CRLS1: variants seen among roughly 807,000 people sequenced by gnomAD.
CRLS1 encodes the protein cardiolipin synthase (CMP-forming).
Under a neutral mutation model 37.0 loss-of-function variants are expected in CRLS1, and 24 were observed. That is an observed-to-expected ratio of 0.65 (90% CI 0.47 to 0.91). CRLS1 has a LOEUF of 0.91. Ranked by LOEUF, CRLS1 falls within the 40% of genes least tolerant of loss-of-function variation. CRLS1 has a pLI of 0.00. For missense variants in CRLS1, 373 were observed against 395.8 expected, an observed-to-expected ratio of 0.94 and a Z score of 0.49; for synonymous variants, 135 against 159.7, an observed-to-expected ratio of 0.85 and a Z score of 1.17.
At position 6,034,521 on chromosome 20, in the gene CRLS1, A is replaced by G; in HGVS notation, c.787A>G (p.Asn263Asp). ...VAASLAAPVF[N>D]YADSIYLQIL... Reference sequence around the variant, plus strand: ...AGCTTCTTTGGCAGCTCCAGTTTTCAACTATGCTGACAGCATTTATCTTCA... The same window carrying G: ...AGCTTCTTTGGCAGCTCCAGTTTTCGACTATGCTGACAGCATTTATCTTCA... The change falls in exon 6 of 7, where the codon AAC (asparagine) becomes GAC (aspartate). Residue 263 changes from asparagine to aspartate, a missense_variant. Asn to Asp is a conservative substitution (Grantham distance 23, BLOSUM62 1). Coordinates refer to ENST00000378863, the MANE Select transcript of CRLS1 (RefSeq NM_019095.6). 1 of 1,612,934 alleles carries G rather than the reference A, an allele frequency of 6.2e-7. No individual in the cohort carries two copies. The highest frequency in any genetic ancestry group is 8.5e-7 in the Non-Finnish European group (1 of 1,179,626).
rs1238905305 is a variant in CRLS1 at position 6,006,432 on chromosome 20, G to C, written c.186G>C (p.Gly62=). The change falls in exon 1 of 7, where the codon GGG becomes GGC. Residue 62 remains glycine, a synonymous_variant. Transcript: ENST00000378863. ...CCGCTCTTGGCTTGCGGCTGCCCGG[G>C]ATCGGCCAGCGGAACCACTGTTCGG... The part of the protein sequence containing the change: ...RPAALGLRLP[G]IGQRNHCSGA... The C allele has an allele frequency of 9.2e-6, 13 of 1,407,340 alleles. No homozygotes were observed. Among genetic ancestry groups the C allele is most frequent in the Non-Finnish European group, 1.1e-5 (12 of 1,081,362 alleles). The allele number at this position is 1,407,340 out of a possible 1,614,324, so 87.2% of individuals were successfully genotyped here.
At chr20:6,030,295 C>T (rs952858010) in intron 3 of CRLS1, among the ~76,000 whole-genome samples, 88 of 152,050 alleles carry the variant, frequency 5.8e-4, no homozygotes, top group Middle Eastern at 3.4e-3. Flanking sequence ...TTTAAAATAT[C>T]CTTCTATTGG....
Position 6,015,369 on chromosome 20 carries a change from A to G in CRLS1, c.453A>G (p.Gly151=), listed in dbSNP as rs1202942004. Residue 151 remains glycine, a synonymous_variant, in exon 3 of 7, where the codon GGA becomes GGG. Coordinates refer to ENST00000378863, the MANE Select transcript of CRLS1 (RefSeq NM_019095.6). ...AAAACTTCTATTTTCAGTTGGATGGATTTATTGCTCGAAACTGGGCCAATC... is the reference window on the plus strand; with the variant it reads ...AAAACTTCTATTTTCAGTTGGATGGGTTTATTGCTCGAAACTGGGCCAATC... ...ALAGLTDLLD[G]FIARNWANQR... 7.6e-6 allele frequency: 12 copies of G among 1,587,132 alleles called. No homozygotes were observed. Among genetic ancestry groups the G allele is most frequent in the Non-Finnish European group, 9.4e-6 (11 of 1,165,522 alleles).
In CRLS1 at chr20:6,013,274, ACTC is replaced by A. The variant is rs1978481742; in HGVS notation, c.445-2084_445-2082del. ...CTCGTGTTGCCCAGGTTGGCCTTGA[ACTC>A]CTGGCTTCAAACGATCCTCCCACCT... is the stretch of plus-strand genomic sequence containing the variant. On this transcript the variant is annotated intron_variant, in intron 2 of 6. Transcript: ENST00000378863. 6.9e-5 allele frequency among the ~76,000 whole-genome samples: 10 copies of A among 144,488 alleles called. 1 individual carries two copies. The South Asian group carries it at 2.2e-3, about 31-fold the overall frequency. The allele number at this position is 144,488 out of a possible 152,430, so 94.8% of individuals were successfully genotyped here. A position where few individuals can be genotyped will look rare whatever the true frequency, so the allele number is the denominator to read the frequency against.
intron 3 of CRLS1, among the ~76,000 whole-genome samples, chr20:6,020,992 C>T (rs1288113437): frequency 6.6e-6 from 1 of 151,286 alleles, no homozygotes; most frequent in African/African-American, 2.4e-5. Flanking sequence ...TTGGTTTGTT[C>T]AGCAGTTAGA....
intron 3 of CRLS1, among the ~76,000 whole-genome samples, chr20:6,017,563 T>C (rs986611202): frequency 6.6e-6 from 1 of 152,248 alleles, no homozygotes; most frequent in Non-Finnish European, 1.5e-5. Flanking sequence ...ATTCTTCTTA[T>C]TGCTTTGCTA....
Position 6,035,773 on chromosome 20 carries a change from C to CTGTAGCTGGGATT in CRLS1, c.821+1218_821+1219insTGTAGCTGGGATT, listed in dbSNP as rs1273914944. On this transcript the variant is annotated intron_variant, in intron 6 of 6. Transcript: ENST00000378863. The stretch of plus-strand genomic sequence containing the variant: ...AGTAGCTGGGATTACAGGCATGTGC[C>CTGTAGCTGGGATT]ACCACCACACCTGGCTATTTTTTTT... Among the ~76,000 whole-genome samples the CTGTAGCTGGGATT allele has an allele frequency of 3.5e-4, 53 of 152,050 alleles. 1 individual carries two copies. The highest frequency in any genetic ancestry group is 1.3e-3 in the African/African-American group (52 of 41,504).
At position 6,006,205 on chromosome 20, in the gene CRLS1, G is replaced by C; in HGVS notation, c.-42G>C. 1 of 1,152,978 alleles carries C rather than the reference G, an allele frequency of 8.7e-7. No individual in the cohort carries two copies. The highest frequency in any genetic ancestry group is 1.1e-6 in the Non-Finnish European group (1 of 920,120). The allele number at this position is 1,152,978 out of a possible 1,614,324, so 71.4% of individuals were successfully genotyped here. Reference sequence around the variant, plus strand: ...CGGCTCGCCAGTGTCCCAGGCTGCTGAGCTCTCGCCGCCCGAGACCCCGCG... The same window carrying C: ...CGGCTCGCCAGTGTCCCAGGCTGCTCAGCTCTCGCCGCCCGAGACCCCGCG... On this transcript the variant is annotated 5_prime_UTR_variant, in exon 1 of 7. An upstream open reading frame in the 5' UTR loses its in-frame stop. Transcript: ENST00000378863.
Position 6,037,432 on chromosome 20 carries a change from TGTC to T in CRLS1, c.*275_*277del, listed in dbSNP as rs1980637584. The T allele has an allele frequency of 1.3e-5, 3 of 238,126 alleles. No homozygotes were observed. The allele number at this position is 238,126 out of a possible 1,614,324, so 14.8% of individuals were successfully genotyped here. ...GATTAATTTATAAGAGATCAATTAT[TGTC>T]AGTCTTTTTTGTATGTTTTTTAAAA... On this transcript the variant is annotated 3_prime_UTR_variant, in exon 7 of 7. Coordinates refer to ENST00000378863, the MANE Select transcript of CRLS1 (RefSeq NM_019095.6).
At chr20:6,010,092 T>C (rs2090113823) in intron 2 of CRLS1, among the ~76,000 whole-genome samples, 180 bp downstream of exon 2, 1 of 152,030 alleles carries the variant, frequency 6.6e-6, no homozygotes, top group Non-Finnish European at 1.5e-5. Flanking sequence ...TTTTTTTTTT[T>C]TTCATATGAT....
Position 6,031,358 on chromosome 20 carries a change from T to C in CRLS1, c.648T>C (p.Thr216=), listed in dbSNP as rs148108006. 1 of 1,606,598 alleles carries C rather than the reference T, an allele frequency of 6.2e-7. No homozygotes were observed. The highest frequency in any genetic ancestry group is 8.5e-7 in the Non-Finnish European group (1 of 1,175,638). ...CTGTTTTTTATGTCAGATACCGAAC[T>C]CTTCCAACACCAGTGAGTTTGTTTC... ...IAAVFYVRYR[T]LPTPRTLAKY... Residue 216 remains threonine (T), a synonymous_variant, in exon 4 of 7, where the codon ACT becomes ACC. Coordinates refer to ENST00000378863, the MANE Select transcript of CRLS1 (RefSeq NM_019095.6).
In CRLS1 at chr20:6,015,551, G is replaced by C. The variant is rs909911410; in HGVS notation, c.574+61G>C. On this transcript the variant is annotated intron_variant, in intron 3 of 6. Transcript: ENST00000378863. ...GGGAAGAATGACATTAGTCAGCTTAGGATTTCTCTTGAGAGACAAATAATT... is the reference window on the plus strand; with the variant it reads ...GGGAAGAATGACATTAGTCAGCTTACGATTTCTCTTGAGAGACAAATAATT... The C allele has an allele frequency of 2.0e-6, 3 of 1,519,560 alleles. No individual in the cohort carries two copies. The African/African-American group carries it at 4.1e-5, about 21-fold the overall frequency. The allele number at this position is 1,519,560 out of a possible 1,614,324, so 94.1% of individuals were successfully genotyped here.
rs1043177933 is a variant in CRLS1 at position 6,039,752 on chromosome 20, A to AAG, written c.*2595_*2596insGA. ...AACTAGGTTTTTTTGTTAAAAAAAA[A>AAG]AAAAAAGGAAATGTGAACAGAGAGA... On this transcript the variant is annotated 3_prime_UTR_variant, in exon 7 of 7. Transcript: ENST00000378863. 1.3e-5 allele frequency: 2 copies of AAG among 151,904 alleles called. No homozygotes were observed. The highest frequency in any genetic ancestry group is 4.8e-5 in the African/African-American group (2 of 41,288). The allele number at this position is 151,904 out of a possible 1,614,324, so 9.4% of individuals were successfully genotyped here.
intron 5 of CRLS1, among the ~76,000 whole-genome samples, 196 bp from the exon 6 acceptor site, chr20:6,034,268 T>C (rs745672754): frequency 6.6e-6 from 1 of 152,164 alleles, no homozygotes; most frequent in African/African-American, 2.4e-5. Flanking sequence ...GACAGATGGG[T>C]CAGTTAGTGA....
At position 6,032,060 on chromosome 20, in the gene CRLS1, A is replaced by C. The variant is rs774897326; in HGVS notation, c.709A>C (p.Lys237Gln). The change falls in exon 5 of 7, where the codon AAA (lysine) becomes CAA (glutamine). Residue 237 changes from lysine to glutamine, a missense_variant. Transcript: ENST00000378863. Reference sequence around the variant, plus strand: ...TCCTTGCTATGCCACTGCTAGGTTAAAACCAACATTCATCAGCAAGGTAAG... The same window carrying C: ...TCCTTGCTATGCCACTGCTAGGTTACAACCAACATTCATCAGCAAGGTAAG... ...FNPCYATARL[K>Q]PTFISKVNTA... 1 of 1,612,784 alleles carries C rather than the reference A, an allele frequency of 6.2e-7. No homozygotes were observed. The highest frequency in any genetic ancestry group is 1.1e-5 in the South Asian group (1 of 90,948).
At position 6,022,717 on chromosome 20, in the gene CRLS1, C is replaced by T. The variant is rs1363421612; in HGVS notation, c.574+7227C>T. ...CTTTGTGTTTTGTTTTTCTCAGTTT[C>T]ACAATAATATTTCTTGTTGCAAGTT... On this transcript the variant is annotated intron_variant, in intron 3 of 6. Coordinates refer to ENST00000378863, the MANE Select transcript of CRLS1 (RefSeq NM_019095.6). 5.3e-5 allele frequency among the ~76,000 whole-genome samples: 8 copies of T among 152,220 alleles called. No homozygotes were observed. The East Asian group carries it at 1.5e-3, about 29-fold the overall frequency.
intron 3 of CRLS1, chr20:6,028,560 T>C (rs1027489767): frequency 5.3e-5 from 8 of 152,224 alleles, no homozygotes; most frequent in African/African-American, 1.9e-4. Context: ...ACCTATAGTG[T>C]TGATGTTAAC....
chr20:6,021,191 T>A (rs975514984), intron 3 of CRLS1, among the ~76,000 whole-genome samples: 7 of 151,742 alleles, frequency 4.6e-5, no homozygotes, highest in African/African-American at 1.4e-4. Context: ...CTCAGTCTCC[T>A]GACTAGCTGG....
intron 3 of CRLS1, among the ~76,000 whole-genome samples, chr20:6,025,333 T>C (rs1316761504): frequency 1.3e-5 from 2 of 152,182 alleles, no homozygotes; most frequent in African/African-American, 4.8e-5. Context: ...AGAAATGGAA[T>C]AGCAAAGCAC....
Sources: gnomAD v4.1 joint callset for allele counts (sites outside exome capture counted in the v4.1 genomes callset) on GRCh38, gnomAD v4.1.1 for gene constraint, MANE v1.5 for transcripts, NCBI Gene and HGNC (gene_info 2026-07-23, HGNC 2026-07-21) for gene names.